Variants in SLC14A2 observed in about 807,000 individuals in gnomAD.
SLC14A2 encodes the protein solute carrier family 14 member 2, also known as urea transporter 2.
SLC14A2 carries 91 observed loss-of-function variants against 104.6 expected under a neutral mutation model. The ratio of observed to expected loss-of-function variants is 0.87; its 90% confidence interval spans 0.73 to 1.04. SLC14A2 has a LOEUF of 1.04. Among genes scored for constraint, SLC14A2 ranks in the 50% least tolerant of loss-of-function variants. The pLI, the probability that SLC14A2 is intolerant of heterozygous loss-of-function variation, is 0.00. For missense variants in SLC14A2, 1,189 were observed against 1,156.0 expected (o/e 1.03, Z -0.41); for synonymous variants, 476 against 466.4 (o/e 1.02, Z -0.27).
chr18:45,225,844 C>A (rs897344434), intron 1 of SLC14A2, among the ~76,000 whole-genome samples: 13 of 152,086 alleles, frequency 8.5e-5, no homozygotes, highest in African/African-American at 3.1e-4. Context: ...GACTTTGTAT[C>A]CTGAGACTTT....
chr18:45,234,674 AGCAT>A (rs1187579228), intron 1 of SLC14A2, among the ~76,000 whole-genome samples: 1 of 152,178 alleles, frequency 6.6e-6, no homozygotes, highest in Non-Finnish European at 1.5e-5. Flanking sequence ...CCACAAATCA[AGCAT>A]GCTTTGTCCT....
At chr18:45,491,538 T>C (rs1353792493) in intron 2 of SLC14A2, among the ~76,000 whole-genome samples, 1 of 152,164 alleles carries the variant, frequency 6.6e-6, no homozygotes, top group Non-Finnish European at 1.5e-5. Context: ...ATTTCTTTAA[T>C]TACAAATAAA....
intron 1 of SLC14A2, among the ~76,000 whole-genome samples, chr18:45,437,888 A>G (rs1409872490): frequency 6.6e-6 from 1 of 152,262 alleles, no homozygotes; most frequent in Non-Finnish European, 1.5e-5. Context: ...TGAGCAAAAT[A>G]CATGCTCTTA....
rs577227699 is a variant in SLC14A2 at position 45,530,946 on chromosome 18, G to A, written c.-35+47624G>A. Among the ~76,000 whole-genome samples, 110 of 152,044 alleles carry A rather than the reference G, an allele frequency of 7.2e-4. 2 individuals carry two copies. In the South Asian group the frequency reaches 0.014, roughly 20 times the overall value. ...TTCCCACCTATGAGTGAGAACATGC[G>A]GTGTTTGGTTTTTTGTCCTTGCGAT... On this transcript the variant is annotated intron_variant, in intron 2 of 20. Coordinates refer to the SLC14A2 transcript ENST00000586448.
At chr18:45,632,598 C>T in intron 5 of SLC14A2, 120 bp downstream of exon 5, 1 of 1,067,962 alleles carries the variant, frequency 9.4e-7, no homozygotes, top group Non-Finnish European at 1.4e-6. Flanking sequence ...GCCAAGTTAG[C>T]TTGTCTGACA....
In SLC14A2 at chr18:45,678,971, C is replaced by G; in HGVS notation, c.2513-4C>G. 1.2e-6 allele frequency: 1 copy of G among 859,672 alleles called. No individual in the cohort carries two copies. Among genetic ancestry groups the G allele is most frequent in the Non-Finnish European group, 1.5e-6 (1 of 659,784 alleles). The allele number at this position is 859,672 out of a possible 1,614,324, so 53.3% of individuals were successfully genotyped here. On this transcript the variant is annotated splice_polypyrimidine_tract_variant and splice_region_variant and intron_variant, in intron 18 of 19. Transcript: ENST00000255226. ...ATTTCTTTCTTTTTTTTTTTTTTTTCTAGCACTGTTTGCTGCCTACCTGGG... is the reference window on the plus strand; with the variant it reads ...ATTTCTTTCTTTTTTTTTTTTTTTTGTAGCACTGTTTGCTGCCTACCTGGG...
chr18:45,283,532 G>C (rs1460377331), intron 1 of SLC14A2, among the ~76,000 whole-genome samples: 2 of 152,120 alleles, frequency 1.3e-5, no homozygotes, highest in African/African-American at 4.8e-5. Flanking sequence ...CCAAAAAAAT[G>C]CTGCAGTCAC....
intron 2 of SLC14A2, among the ~76,000 whole-genome samples, chr18:45,495,684 G>A (rs1466932222): frequency 1.3e-5 from 2 of 152,188 alleles, no homozygotes; most frequent in African/African-American, 4.8e-5. Context: ...GACACCCTGG[G>A]AAAGGTATAC....
intron 1 of SLC14A2, among the ~76,000 whole-genome samples, chr18:45,406,740 A>G (rs1356225142): frequency 2.0e-4 from 30 of 152,246 alleles, no homozygotes; most frequent in Admixed American, 2.0e-3. Context: ...TGGCATGGAA[A>G]CAATATTAAT....
At chr18:45,673,421 C>T (rs1370547312) in intron 17 of SLC14A2, among the ~76,000 whole-genome samples, 4 of 152,234 alleles carry the variant, frequency 2.6e-5, no homozygotes, top group African/African-American at 9.6e-5. Context: ...AGGATATTCT[C>T]TGGACTGTTT....
chr18:45,248,794 C>G (rs77930426), intron 1 of SLC14A2, among the ~76,000 whole-genome samples: 1 of 152,134 alleles, frequency 6.6e-6, no homozygotes, highest in Non-Finnish European at 1.5e-5. Flanking sequence ...AGAACTTCAA[C>G]GGTATTCTGG....
At chr18:45,392,177 AAG>A (rs1389140817) in intron 1 of SLC14A2, among the ~76,000 whole-genome samples, 2 of 151,888 alleles carry the variant, frequency 1.3e-5, no homozygotes, top group Non-Finnish European at 2.9e-5. Flanking sequence ...GGCAAAGTGA[AAG>A]ACACTCAAAC....
intron 1 of SLC14A2, among the ~76,000 whole-genome samples, chr18:45,397,604 T>A (rs2086049243): frequency 6.6e-6 from 1 of 152,204 alleles, no homozygotes; most frequent in South Asian, 2.1e-4. Flanking sequence ...TTTTCTCCCA[T>A]TCTGTAGGTT....
intron 11 of SLC14A2, among the ~76,000 whole-genome samples, chr18:45,665,688 C>CTTTTTTTTTTTTTT (rs146248418): frequency 2.4e-4 from 19 of 79,302 alleles, no homozygotes; most frequent in African/African-American, 8.3e-4. Context: ...AACCAAGTTT[C>CTTTTTTTTTTTTTT]TTTTTTTTTT....
At position 45,627,204 on chromosome 18, in the gene SLC14A2, T is replaced by A. The variant is rs962290420; in HGVS notation, c.521+57T>A. On this transcript the variant is annotated intron_variant, in intron 4 of 19. Coordinates refer to ENST00000255226, the MANE Select transcript of SLC14A2 (RefSeq NM_007163.4). Reference sequence around the variant, plus strand: ...ATGTGTGGAACAGAAAGTAGAGAGGTGTTTACTTGAGTAATCAGTCAACCT... The same window carrying A: ...ATGTGTGGAACAGAAAGTAGAGAGGAGTTTACTTGAGTAATCAGTCAACCT... The A allele has an allele frequency of 5.3e-6, 8 of 1,503,588 alleles. No homozygotes were observed. The African/African-American group carries it at 1.1e-4, about 21-fold the overall frequency. 93.1% of individuals were successfully genotyped at this position (1,503,588 alleles called of 1,614,324 possible).
Position 45,225,472 on chromosome 18 carries a change from T to C in SLC14A2, c.-125+12281T>C, listed in dbSNP as rs375672671. Reference sequence around the variant, plus strand: ...TTGGCTTAGGATTGTCTTGGCAATGTGGGCTCATTTTTGGTTCCATATGAA... The same window carrying C: ...TTGGCTTAGGATTGTCTTGGCAATGCGGGCTCATTTTTGGTTCCATATGAA... On this transcript the variant is annotated intron_variant, in intron 1 of 20. Coordinates refer to the SLC14A2 transcript ENST00000586448. Among the ~76,000 whole-genome samples the C allele has an allele frequency of 3.9e-5, 6 of 152,302 alleles. No homozygotes were observed. The East Asian group carries it at 7.7e-4, about 20-fold the overall frequency.
intron 2 of SLC14A2, among the ~76,000 whole-genome samples, chr18:45,517,040 G>C (rs2043450761): frequency 1.3e-5 from 2 of 152,214 alleles, no homozygotes; most frequent in Non-Finnish European, 2.9e-5. Flanking sequence ...CTGTGAACTG[G>C]GCACAAGGAC....
At chr18:45,539,201 A>AATCTT (rs2043847382) in intron 2 of SLC14A2, among the ~76,000 whole-genome samples, 1 of 152,186 alleles carries the variant, frequency 6.6e-6, no homozygotes, top group African/African-American at 2.4e-5. Context: ...GAATCTTCAG[A>AATCTT]CAGAGCATGA....
chr18:45,260,110 CA>C (rs895233276), intron 1 of SLC14A2, among the ~76,000 whole-genome samples: 23 of 152,138 alleles, frequency 1.5e-4, no homozygotes, highest in African/African-American at 5.1e-4. Flanking sequence ...ACACAGATGA[CA>C]AGTTAGCCTG....
Sources: gnomAD v4.1 joint callset for allele counts (sites outside exome capture counted in the v4.1 genomes callset) on GRCh38, gnomAD v4.1.1 for gene constraint, MANE v1.5 for transcripts, NCBI Gene and HGNC (gene_info 2026-07-23, HGNC 2026-07-21) for gene names.